Variants in CLSPN observed in about 807,000 individuals in gnomAD.
The protein encoded by CLSPN is claspin.
CLSPN carries 85 observed loss-of-function variants against 156.3 expected under a neutral mutation model. The observed-to-expected ratio is 0.54, with a 90% confidence interval of 0.46 to 0.65. The LOEUF (loss-of-function observed/expected upper bound fraction) is 0.65. Ranked by LOEUF, CLSPN falls within the 30% of genes least tolerant of loss-of-function variation. The pLI, the probability that CLSPN is intolerant of heterozygous loss-of-function variation, is 0.00. For missense variants in CLSPN, 1,407 were observed against 1,554.9 expected (o/e 0.90, Z 1.60); for synonymous variants, 534 against 542.4 (o/e 0.98, Z 0.22).
chr1:35,755,737 C>A (rs1439395103), intron 8 of CLSPN, among the ~76,000 whole-genome samples: 1 of 152,082 alleles, frequency 6.6e-6, no homozygotes, highest in African/African-American at 2.4e-5. Context: ...GAGACAGGGT[C>A]TTGCTCTGTT....
intron 8 of CLSPN, among the ~76,000 whole-genome samples, chr1:35,758,418 G>A (rs1571216044): frequency 6.6e-6 from 1 of 152,236 alleles, no homozygotes; most frequent in East Asian, 1.9e-4. Context: ...GCTGAGGCAG[G>A]CAGATCACCT....
chr1:35,760,970 C>A, intron 7 of CLSPN, 54 bp from the exon 8 acceptor site: 2 of 1,466,064 alleles, frequency 1.4e-6, no homozygotes, highest in South Asian at 2.4e-5. Context: ...GTGAAACATT[C>A]TCATCCCTTA....
At chr1:35,750,401 T>G (rs991875526) in intron 10 of CLSPN, among the ~76,000 whole-genome samples, 2 of 151,846 alleles carry the variant, frequency 1.3e-5, no homozygotes, top group South Asian at 2.1e-4. Context: ...GGAAAGTTTT[T>G]TTTTTTTTTT....
In CLSPN at chr1:35,734,967, A is replaced by G; in HGVS notation, c.*1529T>C. On this transcript the variant is annotated 3_prime_UTR_variant, in exon 25 of 25. Transcript: ENST00000318121. ...TCAGGGAAAATGGAGAATGATGGCAATTCTCTTCAATAATATTTTTATTAA... is the reference window on the plus strand; with the variant it reads ...TCAGGGAAAATGGAGAATGATGGCAGTTCTCTTCAATAATATTTTTATTAA... 2.0e-6 allele frequency: 2 copies of G among 985,430 alleles called. No homozygotes were observed. Among genetic ancestry groups the G allele is most frequent in the Non-Finnish European group, 2.4e-6 (2 of 829,904 alleles). 61.0% of individuals were successfully genotyped at this position (985,430 alleles called of 1,614,324 possible).
chr1:35,732,679 T>G lies in CLSPN; in HGVS notation c.*3817A>C. ...TCATGGGCTCTCATCCCTCCAAATA[T>G]GTAATTTCCAAGCTAGTGAAGCTGA... On this transcript the variant is annotated 3_prime_UTR_variant, in exon 25 of 25. Coordinates refer to ENST00000318121, the MANE Select transcript of CLSPN (RefSeq NM_022111.4). The G allele has an allele frequency of 1.0e-6, 1 of 985,384 alleles. No individual in the cohort carries two copies. 61.0% of individuals were successfully genotyped at this position (985,384 alleles called of 1,614,324 possible). A position where few individuals can be genotyped will look rare whatever the true frequency, so the allele number is the denominator to read the frequency against.
intron 14 of CLSPN, 149 bp downstream of exon 14, chr1:35,747,758 A>G (rs1237084720): frequency 4.2e-6 from 3 of 711,766 alleles, no homozygotes; most frequent in East Asian, 2.6e-5. Flanking sequence ...ACTTTGTTCA[A>G]ACTTATAGAA....
chr1:35,726,112 G>A (rs1641180534), intron 24 of CLSPN, among the ~76,000 whole-genome samples: 1 of 117,084 alleles, frequency 8.5e-6, no homozygotes, highest in South Asian at 3.0e-4. Flanking sequence ...AAAGCTTTCT[G>A]GCCAGGTTTT....
chr1:35,725,223 C>A (rs1390409417), intron 24 of CLSPN, among the ~76,000 whole-genome samples: 1 of 152,216 alleles, frequency 6.6e-6, no homozygotes, highest in Non-Finnish European at 1.5e-5. Flanking sequence ...CTGTCCCCAA[C>A]ACTGTTCCCC....
At position 35,748,567 on chromosome 1, in the gene CLSPN, G is replaced by A. The variant is rs776765696; in HGVS notation, c.2310C>T (p.Ser770=). 1 of 1,614,110 alleles carries A rather than the reference G, an allele frequency of 6.2e-7. No individual in the cohort carries two copies. Among genetic ancestry groups the A allele is most frequent in the South Asian group, 1.1e-5 (1 of 91,088 alleles). ...TCAGCTCAAAGCTGCTATTGTGGCT[G>A]CTCTCCTTTGTTAGCAATGAACATG... ...DDSCSLLTKE[S]SHNSSFELIG... is the part of the protein sequence containing the mutation. Residue 770 remains serine, a synonymous_variant, in exon 13 of 25, where the codon AGC becomes AGT. Coordinates refer to ENST00000318121, the MANE Select transcript of CLSPN (RefSeq NM_022111.4).
intron 10 of CLSPN, among the ~76,000 whole-genome samples, 189 bp from the exon 11 acceptor site, chr1:35,750,000 ATT>A (rs66909447): frequency 1.4e-5 from 2 of 147,778 alleles, no homozygotes; most frequent in African/African-American, 5.0e-5. Context: ...ACTTTTTTCT[ATT>A]TTTTTTTTTT....
At chr1:35,749,442 G>T in intron 12 of CLSPN, 25 bp downstream of exon 12, 1 of 1,609,698 alleles carries the variant, frequency 6.2e-7, no homozygotes, top group Non-Finnish European at 8.5e-7. Flanking sequence ...GAAATGTTAA[G>T]TTCTGCACAA....
chr1:35,764,045 T>C (rs1322698065), intron 3 of CLSPN, among the ~76,000 whole-genome samples: 1 of 152,062 alleles, frequency 6.6e-6, no homozygotes, highest in African/African-American at 2.4e-5. Flanking sequence ...AGTGACCCTC[T>C]GGCCTCAGCC....
At chr1:35,729,117 A>G (rs1218522572), downstream of CLSPN, among the ~76,000 whole-genome samples, 1 of 152,220 alleles carries the variant, frequency 6.6e-6, no homozygotes, top group African/African-American at 2.4e-5. Context: ...CAAGACAAAC[A>G]AACAGAAGGG....
chr1:35,765,947 G>A (rs1322259854), intron 1 of CLSPN, among the ~76,000 whole-genome samples: 2 of 150,270 alleles, frequency 1.3e-5, no homozygotes, highest in African/African-American at 4.9e-5. Context: ...ATCTAGACGT[G>A]GGAAATTCTA....
chr1:35,764,191 C>T, intron 3 of CLSPN, 75 bp downstream of exon 3: 1 of 873,998 alleles, frequency 1.1e-6, no homozygotes, highest in South Asian at 1.8e-5. Flanking sequence ...GCAGAAACAA[C>T]CTCAAGTACT....
chr1:35,752,483 C>G (rs1476452673), intron 9 of CLSPN, among the ~76,000 whole-genome samples: 2 of 146,312 alleles, frequency 1.4e-5, no homozygotes, highest in African/African-American at 2.5e-5. Context: ...GAGGCTGAGG[C>G]AGGAGAATCA....
At chr1:35,741,319 T>C (rs1306327793) in intron 18 of CLSPN, among the ~76,000 whole-genome samples, 1 of 152,146 alleles carries the variant, frequency 6.6e-6, no homozygotes, top group Non-Finnish European at 1.5e-5. Context: ...TCTGTATTCT[T>C]TTTTTGCGGG....
In CLSPN at chr1:35,749,625, T is replaced by A; in HGVS notation, c.2207+8A>T. 1 of 1,613,672 alleles carries A rather than the reference T, an allele frequency of 6.2e-7. No homozygotes were observed. On this transcript the variant is annotated splice_region_variant and intron_variant, in intron 11 of 24. Coordinates refer to ENST00000318121, the MANE Select transcript of CLSPN (RefSeq NM_022111.4). ...CAATTTTAAGTTTTCTTAGAGAGAA[T>A]CACTTACCCCATCTTGGAAGAGCTG... is the stretch of plus-strand genomic sequence containing the variant.
At chr1:35,737,861 A>T (rs990508806) in intron 22 of CLSPN, 131 bp downstream of exon 22, 3 of 482,788 alleles carry the variant, frequency 6.2e-6, no homozygotes, top group African/African-American at 5.9e-5. Context: ...ACCTCTGTGA[A>T]GCCTCTTTAA....
Sources: gnomAD v4.1 joint callset for allele counts (sites outside exome capture counted in the v4.1 genomes callset) on GRCh38, gnomAD v4.1.1 for gene constraint, MANE v1.5 for transcripts, NCBI Gene and HGNC (gene_info 2026-07-23, HGNC 2026-07-21) for gene names.